The following KAZN variants were observed in gnomAD, a reference collection of about 807,000 sequenced individuals.
KAZN encodes the protein kazrin.
In KAZN, 40 loss-of-function variants were observed where a neutral mutation model predicts 87.4. The ratio of observed to expected loss-of-function variants is 0.46; its 90% CI spans 0.36 to 0.60. KAZN has a LOEUF of 0.60. Among genes scored for constraint, KAZN ranks in the 20% least tolerant of loss-of-function variants. KAZN has a pLI of 0.00. For synonymous variants in KAZN, 466 were observed against 458.3 expected, an observed-to-expected ratio of 1.02 and a Z score of -0.22; for missense variants, 898 against 1,073.9, an observed-to-expected ratio of 0.84 and a Z score of 2.29.
At chr1:14,040,764 CA>C (rs1430762858) in intron 1 of KAZN, among the ~76,000 whole-genome samples, 1 of 117,804 alleles carries the variant, frequency 8.5e-6, no homozygotes, top group Non-Finnish European at 2.1e-5. Flanking sequence ...GACTTCATCT[CA>C]AAAAAATTAA....
chr1:14,580,475 CAAATAAATAAATAAATAAATAAAT>C (rs34947660), intron 2 of KAZN, among the ~76,000 whole-genome samples: 1 of 144,336 alleles, frequency 6.9e-6, no homozygotes, highest in Non-Finnish European at 1.5e-5. Flanking sequence ...AACTCTATCT[CAAATAAATAAATAAATAAATAAAT>C]AAATAAATAA....
intron 1 of KAZN, among the ~76,000 whole-genome samples, chr1:14,797,271 G>C (rs1016827657): frequency 5.3e-5 from 8 of 152,218 alleles, no homozygotes; most frequent in Admixed American, 2.0e-4. Flanking sequence ...ATGTTGGCCA[G>C]GCTGGTCTTG....
chr1:14,576,331 T>TGGATGGATGGATGGAC, intron 2 of KAZN, among the ~76,000 whole-genome samples: 1 of 135,464 alleles, frequency 7.4e-6, no homozygotes, highest in African/African-American at 2.7e-5. Flanking sequence ...GATGGATGGA[T>TGGATGGATGGATGGAC]GGACGGACAG....
intron 2 of KAZN, among the ~76,000 whole-genome samples, chr1:14,984,965 G>A (rs1406100133): frequency 1.3e-5 from 2 of 151,886 alleles, no homozygotes; most frequent in Admixed American, 1.3e-4. Context: ...ATGAAACCTC[G>A]TCTCTACTAC....
chr1:15,043,961 C>T (rs762463748), intron 3 of KAZN, 28 bp from the exon 4 acceptor site: 6 of 1,584,026 alleles, frequency 3.8e-6, no homozygotes, highest in African/African-American at 2.7e-5. Flanking sequence ...GTAACACCCA[C>T]GGTGCTCTCT....
intron 1 of KAZN, among the ~76,000 whole-genome samples, chr1:13,959,559 C>T (rs1641675124): frequency 1.3e-5 from 2 of 152,220 alleles, no homozygotes; most frequent in South Asian, 4.1e-4. Context: ...CCTATTGGAA[C>T]ATGGCCCTGC....
chr1:14,419,167 A>G (rs1335967856), intron 2 of KAZN, among the ~76,000 whole-genome samples: 1 of 152,224 alleles, frequency 6.6e-6, no homozygotes, highest in Non-Finnish European at 1.5e-5. Flanking sequence ...CAGGCACTGT[A>G]ATAAATATAC....
upstream of KAZN, among the ~76,000 whole-genome samples, chr1:14,593,930 T>C (rs1179278091): frequency 6.6e-6 from 1 of 152,204 alleles, no homozygotes; most frequent in African/African-American, 2.4e-5. Flanking sequence ...AGTGGAAAGA[T>C]GGGCCATTTT....
chr1:15,011,828 G>A (rs1669599860), intron 2 of KAZN, among the ~76,000 whole-genome samples: 1 of 152,134 alleles, frequency 6.6e-6, no homozygotes, highest in Admixed American at 6.5e-5. Flanking sequence ...TTGGGGGCGG[G>A]GCACCACTTA....
In KAZN at chr1:14,805,459, G is replaced by T. The variant is rs550076118; in HGVS notation, c.227-155225G>T. Among the ~76,000 whole-genome samples, 5 of 152,122 alleles carry T rather than the reference G, an allele frequency of 3.3e-5. No homozygotes were observed. The East Asian group carries it at 9.7e-4, about 29-fold the overall frequency. On this transcript the variant is annotated intron_variant, in intron 1 of 14. Transcript: ENST00000376030. The stretch of plus-strand genomic sequence containing the variant: ...TAGCTACAAAGGAAGCTGGAAAAAT[G>T]GAATATCTGGGTTACTAGGCCGGGT...
chr1:14,678,390 G>A (rs150592219), intron 1 of KAZN, among the ~76,000 whole-genome samples: 2 of 152,260 alleles, frequency 1.3e-5, no homozygotes, highest in East Asian at 3.9e-4. Context: ...GGTTTGCGAG[G>A]GGCTCTCGGG....
intron 1 of KAZN, among the ~76,000 whole-genome samples, chr1:14,606,616 G>A (rs1156790544): frequency 6.6e-6 from 1 of 151,902 alleles, no homozygotes; most frequent in Non-Finnish European, 1.5e-5. Context: ...CTTTTCTTTT[G>A]CCTGAGTTCT....
chr1:14,616,248 A>T (rs1678228095), intron 1 of KAZN, among the ~76,000 whole-genome samples: 1 of 152,100 alleles, frequency 6.6e-6, no homozygotes, highest in Admixed American at 6.5e-5. Context: ...TCTTGGTCCA[A>T]TTTGTGTTAC....
At chr1:14,754,345 TC>T (rs2100508785) in intron 1 of KAZN, among the ~76,000 whole-genome samples, 1 of 152,276 alleles carries the variant, frequency 6.6e-6, no homozygotes, top group East Asian at 1.9e-4. Flanking sequence ...AGAACTCAAA[TC>T]CATGGGCCGG....
intron 1 of KAZN, among the ~76,000 whole-genome samples, chr1:14,862,279 C>A (rs571090384): frequency 6.6e-6 from 1 of 152,130 alleles, no homozygotes; most frequent in African/African-American, 2.4e-5. Flanking sequence ...AGGAACCAGC[C>A]TTTTGGTTGC....
intron 1 of KAZN, among the ~76,000 whole-genome samples, chr1:14,817,117 C>G (rs1027107661): frequency 6.6e-6 from 1 of 152,160 alleles, no homozygotes; most frequent in African/African-American, 2.4e-5. Context: ...TTCAGTGCCC[C>G]GAGTAATGCT....
At position 14,190,108 on chromosome 1, in the gene KAZN, G is replaced by C. The variant is rs12066612; in HGVS notation, c.249+9516G>C. ...GATGAACTGGGAGAAGTGTAGGCTT[G>C]TGACAGAGCTAGAAACACGATGAGC... On this transcript the variant is annotated intron_variant, in intron 2 of 16. Coordinates refer to the KAZN transcript ENST00000636203. Among the ~76,000 whole-genome samples the C allele has an allele frequency of 9.8e-3, 1,491 of 152,196 alleles. 15 individuals are homozygous for C. Among genetic ancestry groups the C allele is most frequent in the African/African-American group, 0.034 (1,420 of 41,544 alleles).
intron 2 of KAZN, among the ~76,000 whole-genome samples, chr1:14,569,679 G>A (rs1674746182): frequency 6.6e-6 from 1 of 152,000 alleles, no homozygotes; most frequent in Non-Finnish European, 1.5e-5. Context: ...ACCAGTTTGG[G>A]AAAATTTCTG....
intron 2 of KAZN, among the ~76,000 whole-genome samples, chr1:14,305,056 T>G (rs1022663136): frequency 6.6e-6 from 1 of 152,134 alleles, no homozygotes; most frequent in East Asian, 1.9e-4. Context: ...TTCCACATAC[T>G]CACACATCCC....
Sources: allele counts gnomAD v4.1 joint callset (sites outside exome capture counted in the v4.1 genomes callset), GRCh38; gene constraint gnomAD v4.1.1; transcripts MANE v1.5; gene names NCBI Gene and HGNC (gene_info 2026-07-23, HGNC 2026-07-21).